JADE3: variants seen among roughly 807,000 people sequenced by gnomAD.
JADE3 encodes the protein protein Jade-3.
A neutral mutation model predicts 50.1 loss-of-function variants in JADE3; 2 were observed. The ratio of observed to expected loss-of-function variants is 0.04; its 90% CI spans 0.02 to 0.13. The LOEUF (loss-of-function observed/expected upper bound fraction) is 0.13, where lower values mean the gene tolerates loss of function less well. Ranked by LOEUF, JADE3 falls within the 10% of genes least tolerant of loss-of-function variation. The pLI is 1.00. For synonymous variants in JADE3, 218 were observed against 232.9 expected, an observed-to-expected ratio of 0.94 and a Z score of 0.58; for missense variants, 475 against 634.4, an observed-to-expected ratio of 0.75 and a Z score of 2.70.
At chrX:46,986,846 CTT>C (rs1206819158) in intron 3 of JADE3, among the ~76,000 whole-genome samples, 1 of 112,352 alleles carries the variant, frequency 8.9e-6, no homozygotes, top group Non-Finnish European at 1.9e-5. Flanking sequence ...GATAAAATGA[CTT>C]TGTATATCTT....
intron 1 of JADE3, among the ~76,000 whole-genome samples, chrX:46,914,334 A>T (rs1289591621): frequency 2.7e-5 from 3 of 111,474 alleles, no homozygotes; most frequent in African/African-American, 9.8e-5. Context: ...CGGCCTTCGT[A>T]CCCTTTGAGT....
intron 3 of JADE3, among the ~76,000 whole-genome samples, chrX:46,995,008 C>G (rs181428249): frequency 6.9e-4 from 76 of 110,300 alleles, no homozygotes; most frequent in African/African-American, 2.1e-3. Context: ...GTGGTCTGTC[C>G]CAGACCCATA....
intron 7 of JADE3, among the ~76,000 whole-genome samples, chrX:47,038,170 C>T (rs111538621): frequency 1.5e-3 from 173 of 111,931 alleles, no homozygotes; most frequent in Admixed American, 3.7e-3. Flanking sequence ...TATATATGTA[C>T]CACATTTTCT....
chrX:46,997,263 G>T (rs1928151846), intron 3 of JADE3, among the ~76,000 whole-genome samples: 1 of 111,274 alleles, frequency 9.0e-6, no homozygotes, highest in African/African-American at 3.3e-5. Context: ...AGCACTTTGA[G>T]AGGCCAAGGC....
At chrX:46,972,475 C>T (rs1469335442) in intron 1 of JADE3, among the ~76,000 whole-genome samples, 2 of 112,466 alleles carry the variant, frequency 1.8e-5, no homozygotes, top group African/African-American at 6.5e-5. Context: ...GGATTACAGG[C>T]GTGAGCCACT....
chrX:47,048,065 G>A (rs1360101731), intron 8 of JADE3, among the ~76,000 whole-genome samples: 1 of 111,425 alleles, frequency 9.0e-6, no homozygotes, highest in Non-Finnish European at 1.9e-5. Flanking sequence ...CACCCTTGGT[G>A]TTCAGCGATT....
chrX:46,917,257 G>A (rs1159648069), intron 1 of JADE3, among the ~76,000 whole-genome samples: 1 of 109,885 alleles, frequency 9.1e-6, no homozygotes, highest in African/African-American at 3.3e-5. Context: ...GGGGTGGCTC[G>A]GTGTGTTTCT....
intron 8 of JADE3, among the ~76,000 whole-genome samples, chrX:47,047,711 G>A (rs782763767): frequency 9.0e-6 from 1 of 111,409 alleles, no homozygotes; most frequent in African/African-American, 3.3e-5. Flanking sequence ...AAAAAGTTTG[G>A]CAGCTCCTCA....
chrX:46,943,746 C>T (rs1432357129), intron 1 of JADE3, among the ~76,000 whole-genome samples: 1 of 111,592 alleles, frequency 9.0e-6, no homozygotes, highest in African/African-American at 3.3e-5. Context: ...GGGAGGAGCC[C>T]CTCCTCCTCA....
In JADE3 at chrX:47,060,217, G is replaced by A. The variant is rs1929734508; in HGVS notation, c.*1140G>A. ...ATCAGCCTTGATTAATTTCTAGTAG[G>A]AAGAGAATAATTACATTTGCGGGGG... On this transcript the variant is annotated 3_prime_UTR_variant, in exon 11 of 11. Coordinates refer to ENST00000614628, the MANE Select transcript of JADE3 (RefSeq NM_014735.5). 1 of 82,490 alleles carries A rather than the reference G, an allele frequency of 1.2e-5. No individual in the cohort carries two copies. Among genetic ancestry groups the A allele is most frequent in the Admixed American group, 1.7e-4 (1 of 6,023 alleles). The allele number at this position is 82,490 out of a possible 1,213,427, so 6.8% of individuals were successfully genotyped here. A position where few individuals can be genotyped will look rare whatever the true frequency, so the allele number is the denominator to read the frequency against.
intron 4 of JADE3, among the ~76,000 whole-genome samples, chrX:47,010,315 G>A (rs1200390031): frequency 9.0e-6 from 1 of 111,337 alleles, no homozygotes; most frequent in African/African-American, 3.3e-5. Flanking sequence ...CACAACCTCC[G>A]TCTCCCCAGT....
At chrX:46,971,377 A>G (rs1180705142) in intron 1 of JADE3, among the ~76,000 whole-genome samples, 6 of 108,844 alleles carry the variant, frequency 5.5e-5, no homozygotes, top group Admixed American at 9.8e-5. Context: ...CGGCCTCCCA[A>G]CGTGCTGGGA....
At chrX:47,021,686 A>G (rs1031215067) in intron 4 of JADE3, among the ~76,000 whole-genome samples, 5 of 112,500 alleles carry the variant, frequency 4.4e-5, no homozygotes, top group Non-Finnish European at 9.4e-5. Flanking sequence ...TTTCCGTGAT[A>G]ACTAATGAGG....
At chrX:46,990,446 T>C (rs1359516441) in intron 3 of JADE3, among the ~76,000 whole-genome samples, 1 of 111,502 alleles carries the variant, frequency 9.0e-6, no homozygotes, top group Non-Finnish European at 1.9e-5. Flanking sequence ...TACTGCTTCA[T>C]AGAGGTGGAA....
At chrX:46,921,816 T>C (rs1311714333) in intron 1 of JADE3, among the ~76,000 whole-genome samples, 1 of 111,093 alleles carries the variant, frequency 9.0e-6, no homozygotes, top group African/African-American at 3.3e-5. Flanking sequence ...TCCTTCACTT[T>C]TGAAAGGACA....
intron 1 of JADE3, among the ~76,000 whole-genome samples, chrX:46,967,098 A>G (rs1004703236): frequency 1.8e-5 from 2 of 112,562 alleles, no homozygotes; most frequent in East Asian, 5.6e-4. Flanking sequence ...TTTAAGCATT[A>G]TAAGTTAATG....
intron 1 of JADE3, among the ~76,000 whole-genome samples, chrX:46,965,178 G>A (rs1556348739): frequency 3.6e-5 from 4 of 111,426 alleles, no homozygotes; most frequent in Admixed American, 1.9e-4. Flanking sequence ...GAGATGGCTG[G>A]GAATTGTATT....
At chrX:47,043,843 T>G (rs189842225) in intron 8 of JADE3, among the ~76,000 whole-genome samples, 4 of 93,989 alleles carry the variant, frequency 4.3e-5, no homozygotes, top group African/African-American at 1.2e-4. Context: ...AAGAAAGAAA[T>G]AATGGAAAAG....
intron 1 of JADE3, among the ~76,000 whole-genome samples, chrX:46,952,374 A>G (rs1927023271): frequency 8.9e-6 from 1 of 111,911 alleles, no homozygotes; most frequent in African/African-American, 3.3e-5. Context: ...TCAGTATTCA[A>G]TGGCTTTGCA....
Sources: gnomAD v4.1 joint callset for allele counts (sites outside exome capture counted in the v4.1 genomes callset) on GRCh38, gnomAD v4.1.1 for gene constraint, MANE v1.5 for transcripts, NCBI Gene and HGNC (gene_info 2026-07-23, HGNC 2026-07-21) for gene names.